The following FGF4 variants were observed in gnomAD, a reference collection of about 807,000 sequenced individuals.
FGF4 encodes heparin secretory transforming protein 1.
A neutral mutation model predicts 15.7 loss-of-function variants in FGF4; 9 were observed. That is an observed-to-expected ratio of 0.57 (90% confidence interval 0.35 to 1.00). The LOEUF (loss-of-function observed/expected upper bound fraction) is 1.00, where lower values mean the gene tolerates loss of function less well. FGF4 is among the 50% of genes least tolerant of loss of function. The pLI is 0.02. For missense variants in FGF4, 286 were observed against 297.3 expected (o/e 0.96, Z 0.28); for synonymous variants, 164 against 144.8 (o/e 1.13, Z -0.95).
rs1388828031 is a variant in FGF4, at chr11:69,771,238, T to G, written c.*2071A>C. Reference sequence around the variant, plus strand: ...ACCTCGAATCCCCATCACAGCAATATGAAAACAATATTTTAAAGGTACAGT... The same window carrying G: ...ACCTCGAATCCCCATCACAGCAATAGGAAAACAATATTTTAAAGGTACAGT... On this transcript the variant is annotated 3_prime_UTR_variant, in exon 3 of 3. Coordinates refer to ENST00000168712, the MANE Select transcript of FGF4 (RefSeq NM_002007.4). 6.6e-6 allele frequency: 1 copy of G among 152,200 alleles called. No individual in the cohort carries two copies. Among genetic ancestry groups the G allele is most frequent in the Non-Finnish European group, 1.5e-5 (1 of 68,040 alleles). 9.4% of individuals were successfully genotyped at this position (152,200 alleles called of 1,614,324 possible).
chr11:69,773,592 T>A, intron 2 of FGF4, 107 bp from the exon 3 acceptor site: 1 of 972,684 alleles, frequency 1.0e-6, no homozygotes, highest in Non-Finnish European at 1.6e-6. Context: ...CACCCTGGGC[T>A]GAGATGTCTC....
rs756408863 is a variant in FGF4 at position 69,774,139 on chromosome 11, G to A, written c.341-12C>T. On this transcript the variant is annotated splice_polypyrimidine_tract_variant and intron_variant, in intron 1 of 2. Transcript: ENST00000168712. ...GAGCTCCAGCAGGCCTGGGGGCGGG[G>A]CGCAGGTCATTGCGGGGCAGGTGAT... 6.2e-7 allele frequency: 1 copy of A among 1,604,948 alleles called. No homozygotes were observed. Among genetic ancestry groups the A allele is most frequent in the African/African-American group, 1.3e-5 (1 of 74,820 alleles).
rs1446479527 is a variant in FGF4 at position 69,772,979 on chromosome 11, GT to G, written c.*329del. On this transcript the variant is annotated 3_prime_UTR_variant, in exon 3 of 3. Coordinates refer to ENST00000168712, the MANE Select transcript of FGF4 (RefSeq NM_002007.4). Reference sequence around the variant, plus strand: ...ACAGGGGATGACATCGGAATCCAATGTCACCTTTTTTTAAAACACAGAATAG... The same window carrying G: ...ACAGGGGATGACATCGGAATCCAATGCACCTTTTTTTAAAACACAGAATAG... The G allele has an allele frequency of 3.5e-6, 1 of 286,598 alleles. No homozygotes were observed. Among genetic ancestry groups the G allele is most frequent in the Non-Finnish European group, 6.6e-6 (1 of 151,536 alleles). The allele number at this position is 286,598 out of a possible 1,614,324, so 17.8% of individuals were successfully genotyped here.
chr11:69,773,458 T>G lies in FGF4; in HGVS notation c.472A>C (p.Lys158Gln). 1 of 1,614,170 alleles carries G rather than the reference T, an allele frequency of 6.2e-7. No individual in the cohort carries two copies. Among genetic ancestry groups the G allele is most frequent in the Non-Finnish European group, 8.5e-7 (1 of 1,180,018 alleles). Residue 158 changes from lysine to glutamine, a missense_variant, in exon 3 of 3, where the codon AAG (lysine) becomes CAG (glutamine). Transcript: ENST00000168712. Reference protein sequence around the residue: ...SPFFTDECTFKEILLPNNYNA... With the variant: ...SPFFTDECTFQEILLPNNYNA... ...TAGTTGTTGGGAAGGAGAATCTCCTTGAACGTGCACTCATCGGTGAAGAAG... is the reference window on the plus strand; with the variant it reads ...TAGTTGTTGGGAAGGAGAATCTCCTGGAACGTGCACTCATCGGTGAAGAAG...
rs1488795759 is a variant in FGF4, at chr11:69,774,106, A to G, written c.362T>C (p.Val121Ala). The change falls in exon 2 of 3, where the codon GTG becomes GCG. Residue 121 changes from valine (V) to alanine (A), a missense_variant. By Grantham distance (64) the Val-to-Ala change is moderately conservative (BLOSUM62 0). Coordinates refer to ENST00000168712, the MANE Select transcript of FGF4 (RefSeq NM_002007.4). ...GAAGATGCTCACCACGCCCCGCTCC[A>G]CGGGCGAGAGCTCCAGCAGGCCTGG... is the stretch of plus-strand genomic sequence containing the variant. ...TRDSLLELSP[V>A]ERGVVSIFGV... 1 of 1,612,464 alleles carries G rather than the reference A, an allele frequency of 6.2e-7. No individual in the cohort carries two copies. The highest frequency in any genetic ancestry group is 1.1e-5 in the South Asian group (1 of 91,024).
intron 1 of FGF4, 39 bp downstream of exon 1, chr11:69,774,706 C>G: frequency 1.5e-6 from 2 of 1,363,584 alleles, no homozygotes; most frequent in Admixed American, 3.9e-5. Flanking sequence ...GGCCGTTGCC[C>G]CCCGCCCCCG....
intron 1 of FGF4, 126 bp from the exon 2 acceptor site, chr11:69,774,253 G>A (rs887458095): frequency 5.2e-6 from 4 of 767,360 alleles, no homozygotes; most frequent in Non-Finnish European, 8.3e-6. Context: ...GGTTCCCGGC[G>A]CAGCCGCCCC....
At chr11:69,774,425 C>T (rs1287313598) in intron 1 of FGF4, among the ~76,000 whole-genome samples, 3 of 152,174 alleles carry the variant, frequency 2.0e-5, no homozygotes, top group Admixed American at 6.5e-5. Context: ...TGGGCCAGGC[C>T]GGGGCGCGTG....
In FGF4 at chr11:69,775,181, G is replaced by C. The variant is rs1354011084; in HGVS notation, c.-97C>G. 1.1e-6 allele frequency: 1 copy of C among 885,126 alleles called. No homozygotes were observed. The highest frequency in any genetic ancestry group is 1.5e-6 in the Non-Finnish European group (1 of 668,884). 54.8% of individuals were successfully genotyped at this position (885,126 alleles called of 1,614,324 possible). ...TGGCGTCCCGCGGGAGCGCACGGCCGACCTCGGGCAGGAGTGCGCAACCGA... is the reference window on the plus strand; with the variant it reads ...TGGCGTCCCGCGGGAGCGCACGGCCCACCTCGGGCAGGAGTGCGCAACCGA... On this transcript the variant is annotated 5_prime_UTR_variant, in exon 1 of 3. Transcript: ENST00000168712.
intron 1 of FGF4, 101 bp downstream of exon 1, chr11:69,774,644 G>A (rs985021933): frequency 1.2e-6 from 1 of 853,856 alleles, no homozygotes; most frequent in Non-Finnish European, 1.6e-6. Context: ...CGGGGCCCCC[G>A]AGCAGGTGCC....
At position 69,774,947 on chromosome 11, in the gene FGF4, G is replaced by A; in HGVS notation, c.138C>T (p.Arg46=). The A allele has an allele frequency of 1.4e-6, 2 of 1,478,158 alleles. No individual in the cohort carries two copies. Among genetic ancestry groups the A allele is most frequent in the South Asian group, 1.3e-5 (1 of 78,344 alleles). The allele number at this position is 1,478,158 out of a possible 1,614,324, so 91.6% of individuals were successfully genotyped here. Residue 46 remains arginine (R), a synonymous_variant, in exon 1 of 3, where the codon CGC becomes CGT. Coordinates refer to ENST00000168712, the MANE Select transcript of FGF4 (RefSeq NM_002007.4). ...NGTLEAELER[R]WESLVALSLA... ...ACGAGAGCGCCACCAGGCTCTCCCA[G>A]CGGCGCTCCAGCTCGGCCTCCAGCG...
rs1289322473 is a variant in FGF4, at chr11:69,775,175, A to G, written c.-91T>C. The G allele has an allele frequency of 8.7e-6, 8 of 916,510 alleles. No homozygotes were observed. The highest frequency in any genetic ancestry group is 1.1e-5 in the Non-Finnish European group (8 of 697,716). The allele number at this position is 916,510 out of a possible 1,614,324, so 56.8% of individuals were successfully genotyped here. A position where few individuals can be genotyped will look rare whatever the true frequency, so the allele number is the denominator to read the frequency against. ...CGCCTGTGGCGTCCCGCGGGAGCGC[A>G]CGGCCGACCTCGGGCAGGAGTGCGC... On this transcript the variant is annotated 5_prime_UTR_variant, in exon 1 of 3. Coordinates refer to ENST00000168712, the MANE Select transcript of FGF4 (RefSeq NM_002007.4).
rs2119832638 is a variant in FGF4 at position 69,774,872 on chromosome 11, G to A, written c.213C>T (p.Ser71=). 6.7e-7 allele frequency: 1 copy of A among 1,500,532 alleles called. No individual in the cohort carries two copies. The allele number at this position is 1,500,532 out of a possible 1,614,324, so 93.0% of individuals were successfully genotyped here. The change falls in exon 1 of 3, where the codon AGC becomes AGT. Residue 71 remains serine, a synonymous_variant. Coordinates refer to ENST00000168712, the MANE Select transcript of FGF4 (RefSeq NM_002007.4). ...AAQPKEAAVQ[S]GAGDYLLGIK... is the part of the protein sequence containing the mutation. ...TGCCCAGCAGGTAGTCGCCGGCGCC[G>A]CTCTGGACGGCCGCCTCCTTGGGCT...
Position 69,774,066 on chromosome 11 carries a change from C to T in FGF4, c.402G>A (p.Arg134=), listed in dbSNP as rs1173387128. The T allele has an allele frequency of 6.2e-7, 1 of 1,613,168 alleles. No homozygotes were observed. The highest frequency in any genetic ancestry group is 1.7e-5 in the Admixed American group (1 of 60,024). Residue 134 remains arginine, a synonymous_variant, in exon 2 of 3, where the codon CGG becomes CGA. Coordinates refer to ENST00000168712, the MANE Select transcript of FGF4 (RefSeq NM_002007.4). ...GVVSIFGVAS[R]FFVAMSSKGK... is the part of the protein sequence containing the mutation. Reference sequence around the variant, plus strand: ...CCTTGCTGCTCATGGCCACGAAGAACCGGCTGGCCACGCCGAAGATGCTCA... The same window carrying T: ...CCTTGCTGCTCATGGCCACGAAGAATCGGCTGGCCACGCCGAAGATGCTCA...
At position 69,772,408 on chromosome 11, in the gene FGF4, C is replaced by T. The variant is rs1302982184; in HGVS notation, c.*901G>A. On this transcript the variant is annotated 3_prime_UTR_variant, in exon 3 of 3. Transcript: ENST00000168712. ...AAAGCTCCCTAAACACAGGGAAGCCCGTTTTGGGGGTGGGGCGGGGGGTTC... is the reference window on the plus strand; with the variant it reads ...AAAGCTCCCTAAACACAGGGAAGCCTGTTTTGGGGGTGGGGCGGGGGGTTC... The T allele has an allele frequency of 5.9e-5, 9 of 152,186 alleles. No individual in the cohort carries two copies. The highest frequency in any genetic ancestry group is 5.2e-4 in the Admixed American group (8 of 15,272). 9.4% of individuals were successfully genotyped at this position (152,186 alleles called of 1,614,324 possible). A position where few individuals can be genotyped will look rare whatever the true frequency, so the allele number is the denominator to read the frequency against.
chr11:69,773,515 G>A (rs746380967), intron 2 of FGF4, 30 bp from the exon 3 acceptor site: 1 of 1,612,340 alleles, frequency 6.2e-7, no homozygotes, highest in South Asian at 1.1e-5. Context: ...TGTCAGGGCT[G>A]GGGCACCTCT....
chr11:69,773,057 T>G lies in FGF4; in HGVS notation c.*252A>C, dbSNP rs1855590985. 1 of 439,098 alleles carries G rather than the reference T, an allele frequency of 2.3e-6. No homozygotes were observed. Among genetic ancestry groups the G allele is most frequent in the Admixed American group, 3.8e-5 (1 of 26,162 alleles). 27.2% of individuals were successfully genotyped at this position (439,098 alleles called of 1,614,324 possible). Reference sequence around the variant, plus strand: ...AGTTAAAGAAATCCAATGGTAAGATTCTCCACTGTTGCACCAGAAAAGTCA... The same window carrying G: ...AGTTAAAGAAATCCAATGGTAAGATGCTCCACTGTTGCACCAGAAAAGTCA... On this transcript the variant is annotated 3_prime_UTR_variant, in exon 3 of 3. Coordinates refer to ENST00000168712, the MANE Select transcript of FGF4 (RefSeq NM_002007.4).
chr11:69,774,889 C>G lies in FGF4; in HGVS notation c.196G>C (p.Glu66Gln), dbSNP rs1855621075. The G allele has an allele frequency of 6.7e-7, 1 of 1,489,062 alleles. No individual in the cohort carries two copies. The highest frequency in any genetic ancestry group is 2.2e-5 in the Admixed American group (1 of 44,762). The allele number at this position is 1,489,062 out of a possible 1,614,324, so 92.2% of individuals were successfully genotyped here. A position where few individuals can be genotyped will look rare whatever the true frequency, so the allele number is the denominator to read the frequency against. ...CCGGCGCCGCTCTGGACGGCCGCCT[C>G]CTTGGGCTGCGCTGCCACCGGCAGG... ...ARLPVAAQPK[E>Q]AAVQSGAGDY... The change falls in exon 1 of 3, where the codon GAG (glutamate) becomes CAG (glutamine). Residue 66 changes from glutamate to glutamine, a missense_variant. Glu to Gln is a conservative substitution (Grantham distance 29). Coordinates refer to ENST00000168712, the MANE Select transcript of FGF4 (RefSeq NM_002007.4).
chr11:69,773,101 G>T lies in FGF4; in HGVS notation c.*208C>A. The T allele has an allele frequency of 2.5e-5, 12 of 471,428 alleles. No individual in the cohort carries two copies. Among genetic ancestry groups the T allele is most frequent in the Non-Finnish European group, 1.1e-5 (3 of 268,092 alleles). The allele number at this position is 471,428 out of a possible 1,614,324, so 29.2% of individuals were successfully genotyped here. A position where few individuals can be genotyped will look rare whatever the true frequency, so the allele number is the denominator to read the frequency against. On this transcript the variant is annotated 3_prime_UTR_variant, in exon 3 of 3. Transcript: ENST00000168712. ...AAAGTCAGAGTTGGTTTTTTGTTTTGTCTTTTTTTCCCCCCAGAAAATTAA... is the reference window on the plus strand; with the variant it reads ...AAAGTCAGAGTTGGTTTTTTGTTTTTTCTTTTTTTCCCCCCAGAAAATTAA...
Sources: gnomAD v4.1 joint callset for allele counts (sites outside exome capture counted in the v4.1 genomes callset) on GRCh38, gnomAD v4.1.1 for gene constraint, MANE v1.5 for transcripts, NCBI Gene and HGNC (gene_info 2026-07-23, HGNC 2026-07-21) for gene names.